Variants in RNF150 observed in about 807,000 individuals in gnomAD.
The protein encoded by RNF150 is ring finger protein 150.
Under a neutral mutation model 39.3 loss-of-function variants are expected in RNF150, and 24 were observed. That is an observed-to-expected ratio of 0.61 (90% CI 0.44 to 0.86). The LOEUF is 0.86. Among genes scored for constraint, RNF150 ranks in the 40% least tolerant of loss-of-function variants. RNF150 has a pLI of 0.00. For missense variants in RNF150, 502 were observed against 587.8 expected, an observed-to-expected ratio of 0.85 and a Z score of 1.51; for synonymous variants, 255 against 227.3, an observed-to-expected ratio of 1.12 and a Z score of -1.10.
intron 4 of RNF150, among the ~76,000 whole-genome samples, chr4:140,929,519 A>G (rs966770086): frequency 6.6e-6 from 1 of 151,516 alleles, no homozygotes; most frequent in East Asian, 2.0e-4. Context: ...GGCACCCACC[A>G]CCACGCCCAG....
At chr4:141,103,475 G>A (rs1320919358) in intron 1 of RNF150, among the ~76,000 whole-genome samples, 1 of 152,154 alleles carries the variant, frequency 6.6e-6, no homozygotes, top group Non-Finnish European at 1.5e-5. Flanking sequence ...CATGGGGGGA[G>A]TTATACAGAG....
chr4:141,157,687 T>A (rs1727436947), intron 1 of RNF150, among the ~76,000 whole-genome samples: 1 of 151,982 alleles, frequency 6.6e-6, no homozygotes, highest in African/African-American at 2.4e-5. Context: ...TTATCATGTT[T>A]AAAAAACTCT....
At chr4:141,115,571 A>C (rs1019050550) in intron 1 of RNF150, among the ~76,000 whole-genome samples, 1 of 152,232 alleles carries the variant, frequency 6.6e-6, no homozygotes, top group Non-Finnish European at 1.5e-5. Flanking sequence ...GCCAAAAGTA[A>C]TTTATTGATT....
chr4:140,956,762 C>T (rs984985088), intron 2 of RNF150, among the ~76,000 whole-genome samples: 3 of 152,208 alleles, frequency 2.0e-5, no homozygotes, highest in African/African-American at 7.2e-5. Context: ...ATATCTACAA[C>T]TACCTAATCT....
rs376111711 is a variant in RNF150 at position 141,189,702 on chromosome 4, G to A, written c.-6+23092C>T. ...TCAGTGGCTGCGTTTACACTGTGAG[G>A]GGAAAACTACCTACTCCAGCCTCAG... On this transcript the variant is annotated intron_variant, in intron 1 of 7. Transcript: ENST00000420921. Among the ~76,000 whole-genome samples the A allele has an allele frequency of 2.0e-5, 3 of 152,238 alleles. No homozygotes were observed. In the East Asian group the frequency reaches 5.8e-4, roughly 30 times the overall value.
chr4:140,988,618 C>T (rs1734089230), intron 1 of RNF150, among the ~76,000 whole-genome samples: 1 of 151,830 alleles, frequency 6.6e-6, no homozygotes, highest in Admixed American at 6.6e-5. Flanking sequence ...AGGTATATCT[C>T]CTAATGCTAT....
chr4:141,073,664 G>GGC (rs1553944073), intron 1 of RNF150, among the ~76,000 whole-genome samples: 7 of 38,054 alleles, frequency 1.8e-4, no homozygotes, highest in Admixed American at 3.5e-4. Flanking sequence ...TATCAAGCTC[G>GGC]GGGGGGGAAG....
intron 2 of RNF150, among the ~76,000 whole-genome samples, chr4:140,962,489 C>T (rs1733080181): frequency 6.7e-6 from 1 of 149,572 alleles, no homozygotes; most frequent in African/African-American, 2.5e-5. Flanking sequence ...CTCACACACA[C>T]ACACACATAT....
rs4388161 is a variant in RNF150 at position 140,921,837 on chromosome 4, C to G, written c.987+4140G>C. On this transcript the variant is annotated intron_variant, in intron 5 of 6. Coordinates refer to ENST00000515673, the MANE Select transcript of RNF150 (RefSeq NM_020724.2). ...ACATATGCAAATCAATAAACGTAAT[C>G]CAGCATATAAACAGAACCAAAGACA... Among the ~76,000 whole-genome samples the G allele has an allele frequency of 5.8e-3, 879 of 151,946 alleles. 14 individuals are homozygous for G. Among genetic ancestry groups the G allele is most frequent in the African/African-American group, 0.02 (836 of 41,444 alleles).
At chr4:140,882,007 CTTTATT>C (rs1016225949) in intron 6 of RNF150, among the ~76,000 whole-genome samples, 4 of 151,950 alleles carry the variant, frequency 2.6e-5, no homozygotes, top group Admixed American at 6.5e-5. Flanking sequence ...TCTTAATTTT[CTTTATT>C]TTTAATTTTT....
intron 1 of RNF150, among the ~76,000 whole-genome samples, chr4:141,066,543 A>G (rs914084597): frequency 2.6e-5 from 4 of 152,224 alleles, no homozygotes; most frequent in Non-Finnish European, 4.4e-5. Context: ...AGTTATGTAT[A>G]TCAATAATAT....
At chr4:140,998,086 T>C (rs576306617) in intron 1 of RNF150, among the ~76,000 whole-genome samples, 1 of 152,328 alleles carries the variant, frequency 6.6e-6, no homozygotes, top group Non-Finnish European at 1.5e-5. Context: ...TAACGTTCTC[T>C]GAATATCCTT....
intron 5 of RNF150, among the ~76,000 whole-genome samples, chr4:140,925,157 G>A (rs186220652): frequency 9.8e-5 from 15 of 152,316 alleles, no homozygotes; most frequent in East Asian, 5.8e-4. Context: ...ACACAGCACC[G>A]TATGGTTTCT....
At position 141,209,103 on chromosome 4, in the gene RNF150, A is replaced by G. The variant is rs181612731; in HGVS notation, c.-6+3691T>C. On this transcript the variant is annotated intron_variant, in intron 1 of 7. Transcript: ENST00000420921. The stretch of plus-strand genomic sequence containing the variant: ...GCTCACTGCAAATATAAATCTCAGC[A>G]ATGGCCCAACTAAAGGGCCTTGCAT... 4.2e-4 allele frequency among the ~76,000 whole-genome samples: 64 copies of G among 152,308 alleles called. 1 individual carries two copies. The highest frequency in any genetic ancestry group is 2.3e-3 in the Admixed American group (35 of 15,300).
chr4:141,203,183 ATATATATAT>A (rs1423483795), intron 1 of RNF150, among the ~76,000 whole-genome samples: 3 of 61,060 alleles, frequency 4.9e-5, no homozygotes, highest in African/African-American at 2.0e-4. Flanking sequence ...CTTGGAGACG[ATATATATAT>A]CTTGGAGATA....
intron 6 of RNF150, among the ~76,000 whole-genome samples, chr4:140,876,716 A>G (rs1214159542): frequency 1.3e-5 from 2 of 152,212 alleles, no homozygotes; most frequent in Non-Finnish European, 2.9e-5. Context: ...ATCTCAACCC[A>G]AGTCAGTGAA....
chr4:141,209,831 C>A (rs543709730), intron 1 of RNF150, among the ~76,000 whole-genome samples: 1 of 152,122 alleles, frequency 6.6e-6, no homozygotes, highest in Non-Finnish European at 1.5e-5. Context: ...TATAGCAAGA[C>A]CCCATCCCTA....
At chr4:140,961,349 A>G (rs1353293234) in intron 2 of RNF150, among the ~76,000 whole-genome samples, 2 of 152,120 alleles carry the variant, frequency 1.3e-5, no homozygotes, top group Non-Finnish European at 2.9e-5. Flanking sequence ...GATCTGCACA[A>G]AGCCAAGCAG....
At chr4:141,144,055 G>T (rs1421136139) in intron 1 of RNF150, among the ~76,000 whole-genome samples, 1 of 151,990 alleles carries the variant, frequency 6.6e-6, no homozygotes, top group Non-Finnish European at 1.5e-5. Flanking sequence ...TTAGGGTTCA[G>T]AACTTTATAT....
Sources: allele counts gnomAD v4.1 joint callset (sites outside exome capture counted in the v4.1 genomes callset), GRCh38; gene constraint gnomAD v4.1.1; transcripts MANE v1.5; gene names NCBI Gene and HGNC (gene_info 2026-07-23, HGNC 2026-07-21).